The following GRHPR variants were observed in gnomAD, a reference collection of about 807,000 sequenced individuals.
GRHPR encodes the protein glyoxylate and hydroxypyruvate reductase.
A neutral mutation model predicts 36.8 loss-of-function variants in GRHPR; 35 were observed. That is an observed-to-expected ratio of 0.95 (90% confidence interval 0.73 to 1.26). The LOEUF is 1.26. GRHPR is among the 50% of genes most tolerant of loss of function. The probability of loss-of-function intolerance (pLI) is 0.00; values close to 1 mark genes in which losing one functional copy is unlikely to be tolerated. For synonymous variants in GRHPR, 179 were observed against 181.0 expected (o/e 0.99, Z 0.09); for missense variants, 380 against 435.0 (o/e 0.87, Z 1.12).
chr9:37,424,731 G>T, intron 1 of GRHPR, 114 bp from the exon 2 acceptor site: 1 of 1,283,996 alleles, frequency 7.8e-7, no homozygotes, highest in Non-Finnish European at 1.1e-6. Context: ...CCTCCCCTCA[G>T]CCAGCCCCGG....
At chr9:37,434,890 CA>C in intron 8 of GRHPR, 1 of 152,362 alleles carries the variant, frequency 6.6e-6, no homozygotes, top group South Asian at 2.1e-4. Flanking sequence ...TCTCAGCAAC[CA>C]AAAACCATTA....
chr9:37,428,858 T>C (rs1823214443), intron 5 of GRHPR: 5 of 535,834 alleles, frequency 9.3e-6, no homozygotes, highest in Non-Finnish European at 1.7e-5. Context: ...ACTACAAATG[T>C]GTTGGGGCCG....
At chr9:37,426,216 A>G in intron 3 of GRHPR, 2 of 607,632 alleles carry the variant, frequency 3.3e-6, no homozygotes, top group Non-Finnish European at 5.9e-6. Context: ...TTTCACATTC[A>G]TTATCTTTTT....
chr9:37,422,617 C>A, upstream of GRHPR: 1 of 736,010 alleles, frequency 1.4e-6, no homozygotes, highest in South Asian at 1.5e-5. Context: ...CGCTCCCTCT[C>A]GCGAAGCCAC....
intron 2 of GRHPR, 64 bp from the exon 3 acceptor site, chr9:37,425,857 TC>T: frequency 1.0e-6 from 1 of 983,014 alleles, no homozygotes; most frequent in Non-Finnish European, 1.7e-6. Flanking sequence ...CCCATGATAG[TC>T]CCCAGTGCTG....
chr9:37,434,346 C>T, intron 8 of GRHPR: 2 of 476,732 alleles, frequency 4.2e-6, no homozygotes, highest in Non-Finnish European at 7.5e-6. Context: ...GGGGGAAGGG[C>T]CAGCGGCCCC....
intron 8 of GRHPR, among the ~76,000 whole-genome samples, chr9:37,435,551 G>T (rs1823599293): frequency 6.6e-6 from 1 of 152,054 alleles, no homozygotes; most frequent in Non-Finnish European, 1.5e-5. Flanking sequence ...CTTGAGAGGA[G>T]GGGACCTAAT....
In GRHPR at chr9:37,422,830, C is replaced by T. The variant is rs1243013257; in HGVS notation, c.80C>T (p.Ala27Val). 6.3e-6 allele frequency: 10 copies of T among 1,592,944 alleles called. 1 individual carries two copies. In the Admixed American group the frequency reaches 1.4e-4, roughly 22 times the overall value. ...AEGRVALARA[A>V]DCEVEQWDSD... ...GGTAGGGTCGCGCTCGCCCGGGCGGCAGAGTAAGAGCCTCGCGCGCCGTGG... is the reference window on the plus strand; with the variant it reads ...GGTAGGGTCGCGCTCGCCCGGGCGGTAGAGTAAGAGCCTCGCGCGCCGTGG... The change falls in exon 1 of 9, where the codon GCA becomes GTA. Residue 27 changes from alanine to valine, a missense_variant. Ala to Val is a moderately conservative substitution (Grantham distance 64). Coordinates refer to ENST00000318158, the MANE Select transcript of GRHPR (RefSeq NM_012203.2).
In GRHPR at chr9:37,429,713, TG is replaced by T; in HGVS notation, c.494-17del. On this transcript the variant is annotated intron_variant, in intron 5 of 8. Coordinates refer to ENST00000318158, the MANE Select transcript of GRHPR (RefSeq NM_012203.2). ...CCTTTGCGGGACTGGGAACGAGACA[TG>T]GACTCTCCTTGCTCTAGGCCAGGCC... 1.3e-6 allele frequency: 2 copies of T among 1,540,174 alleles called. No individual in the cohort carries two copies. Among genetic ancestry groups the T allele is most frequent in the Non-Finnish European group, 9.0e-7 (1 of 1,112,608 alleles).
chr9:37,434,302 A>C (rs1274675170), intron 8 of GRHPR: 2 of 464,960 alleles, frequency 4.3e-6, no homozygotes, highest in Non-Finnish European at 7.6e-6. Context: ...TGAGGCTGCC[A>C]AATGGAGACA....
Position 37,436,647 on chromosome 9 carries a change from TCTCTCC to T in GRHPR, c.866-13_866-8del. ...CCCTTCTTATCTCCCTCTCTCTCTC[TCTCTCC>T]TTTCCAGTGATTCTGCCCCACATTG... On this transcript the variant is annotated splice_region_variant and splice_polypyrimidine_tract_variant and intron_variant, in intron 8 of 8. Coordinates refer to ENST00000318158, the MANE Select transcript of GRHPR (RefSeq NM_012203.2). The T allele has an allele frequency of 6.2e-7, 1 of 1,613,644 alleles. No individual in the cohort carries two copies. The highest frequency in any genetic ancestry group is 2.2e-5 in the East Asian group (1 of 44,880).
rs12002324 is a variant in GRHPR, at chr9:37,429,747, G to C, written c.509G>C (p.Arg170Pro). ...CTTGCTCTAGGCCAGGCCATTGCTC[G>C]GCGTCTGAAACCATTCGGTGTCCAG... Reference protein sequence around the residue: ...GLGRIGQAIARRLKPFGVQRF... With the variant: ...GLGRIGQAIAPRLKPFGVQRF... Residue 170 changes from arginine to proline, a missense_variant, in exon 6 of 9, where the codon CGG becomes CCG. Arg to Pro is a moderately radical substitution (Grantham distance 103). Transcript: ENST00000318158. The C allele has an allele frequency of 1.2e-6, 2 of 1,612,268 alleles. No individual in the cohort carries two copies. Among genetic ancestry groups the C allele is most frequent in the East Asian group, 4.5e-5 (2 of 44,882 alleles).
Position 37,429,769 on chromosome 9 carries a change from C to G in GRHPR, c.531C>G (p.Val177=). ...CTCGGCGTCTGAAACCATTCGGTGTCCAGAGATTTCTGTACACAGGGCGCC... is the reference window on the plus strand; with the variant it reads ...CTCGGCGTCTGAAACCATTCGGTGTGCAGAGATTTCTGTACACAGGGCGCC... ...AIARRLKPFG[V]QRFLYTGRQP... The change falls in exon 6 of 9, where the codon GTC becomes GTG. Residue 177 remains valine (V), a synonymous_variant. Coordinates refer to ENST00000318158, the MANE Select transcript of GRHPR (RefSeq NM_012203.2). 2 of 1,613,534 alleles carry G rather than the reference C, an allele frequency of 1.2e-6. No homozygotes were observed. Among genetic ancestry groups the G allele is most frequent in the Non-Finnish European group, 1.7e-6 (2 of 1,179,380 alleles).
chr9:37,434,781 T>C (rs963968351), intron 8 of GRHPR: 2 of 152,878 alleles, frequency 1.3e-5, no homozygotes, highest in African/African-American at 4.8e-5. Flanking sequence ...GGTTGTTTTA[T>C]ATGTGTCCTG....
intron 6 of GRHPR, 96 bp downstream of exon 6, chr9:37,429,932 G>T: frequency 2.6e-6 from 2 of 776,230 alleles, no homozygotes; most frequent in African/African-American, 3.4e-5. Context: ...GAGGGCAGGA[G>T]CTCCAGGCAT....
At chr9:37,425,820 TC>T in intron 2 of GRHPR, 101 bp from the exon 3 acceptor site, 2 of 784,340 alleles carry the variant, frequency 2.5e-6, no homozygotes, top group Non-Finnish European at 4.6e-6. Context: ...AGCCTCTTAT[TC>T]TAAGAAAACA....
Position 37,422,744 on chromosome 9 carries a change from A to G in GRHPR, c.-7A>G, listed in dbSNP as rs770749390. 14 of 1,575,352 alleles carry G rather than the reference A, an allele frequency of 8.9e-6. No individual in the cohort carries two copies. Among genetic ancestry groups the G allele is most frequent in the Non-Finnish European group, 1.2e-5 (14 of 1,161,764 alleles). ...CTGCCAGGTCCGGGTCGGCGGCTGC[A>G]CTGCGGATGAGACCGGTGCGACTCA... On this transcript the variant is annotated 5_prime_UTR_variant, in exon 1 of 9. Transcript: ENST00000318158.
intron 3 of GRHPR, 36 bp from the exon 4 acceptor site, chr9:37,426,502 T>C: frequency 9.3e-6 from 12 of 1,283,988 alleles, no homozygotes; most frequent in Non-Finnish European, 1.4e-5. Flanking sequence ...TAAATATGGT[T>C]GAGGCTGATG....
chr9:37,425,112 C>A, intron 2 of GRHPR, 137 bp downstream of exon 2: 3 of 857,070 alleles, frequency 3.5e-6, no homozygotes, highest in Non-Finnish European at 5.5e-6. Context: ...CCCGAGCGGG[C>A]AGATAGCTTG....
Sources: allele counts gnomAD v4.1 joint callset (sites outside exome capture counted in the v4.1 genomes callset), GRCh38; gene constraint gnomAD v4.1.1; transcripts MANE v1.5; gene names NCBI Gene and HGNC (gene_info 2026-07-23, HGNC 2026-07-21).